Variants in TTN observed in about 807,000 individuals in gnomAD.
TTN encodes connectin.
TTN carries 1,525 observed loss-of-function variants against 3,223.0 expected under a neutral mutation model. That is an observed-to-expected ratio of 0.47 (90% CI 0.45 to 0.49). The LOEUF is 0.49. Ranked by LOEUF, TTN falls within the 20% of genes least tolerant of loss-of-function variation. The pLI is 0.00. For synonymous variants in TTN, 14,094 were observed against 15,161.0 expected, an observed-to-expected ratio of 0.93 and a Z score of 5.17; for missense variants, 40,786 against 43,424.0, an observed-to-expected ratio of 0.94 and a Z score of 5.40.
chr2:178,649,853 G>C lies in TTN; in HGVS notation c.39859C>G (p.Pro13287Ala), dbSNP rs745976523. The stretch of plus-strand genomic sequence containing the variant: ...GGTGCTTCTGGTTTTTTGATGACAG[G>C]AACTTTCTTCTCTGGGATGATCTTC... ...PKKIIPEKKV[P>A]VIKKPEAPPP... Residue 13287 changes from proline to alanine, a missense_variant, in exon 211 of 363, where the codon CCT becomes GCT. Transcript: ENST00000589042. 3 of 1,612,522 alleles carry C rather than the reference G, an allele frequency of 1.9e-6. No homozygotes were observed. In the South Asian group the frequency reaches 3.3e-5, roughly 18 times the overall value.
At chr2:178,777,379 T>G in intron 26 of TTN, 41 bp downstream of exon 26, 1 of 1,611,996 alleles carries the variant, frequency 6.2e-7, no homozygotes, top group Non-Finnish European at 8.5e-7. Context: ...ATAACCCAAG[T>G]GATAAGAAAA....
Position 178,715,153 on chromosome 2 carries a change from T to G in TTN, c.26033A>C (p.Lys8678Thr), listed in dbSNP as rs1208054129. The G allele has an allele frequency of 2.5e-6, 4 of 1,613,632 alleles. No homozygotes were observed. The highest frequency in any genetic ancestry group is 3.4e-6 in the Non-Finnish European group (4 of 1,179,722). ...GTPPFHVSWY[K>T]DKRELRSGKK... is the part of the protein sequence containing the mutation. ...GCCGCTCCTAAGTTCTCTCTTGTCT[T>G]TATACCAAGAAACGTGAAATGGGGG... The change falls in exon 90 of 363, where the codon AAA (lysine) becomes ACA (threonine). Residue 8678 changes from lysine (K) to threonine (T), a missense_variant. Coordinates refer to ENST00000589042, the MANE Select transcript of TTN (RefSeq NM_001267550.2).
At chr2:178,750,861 T>C in intron 47 of TTN, 1 of 1,613,062 alleles carries the variant, frequency 6.2e-7, no homozygotes, top group Non-Finnish European at 8.5e-7. Flanking sequence ...TCTCCAATTG[T>C]AGTATTGGCC....
In TTN at chr2:178,776,717, C is replaced by G; in HGVS notation, c.5147G>C (p.Arg1716Pro). ...KKKLTSLRLK[R>P]FGPAHFECRL... ...GCATTCAAAGTGGGCAGGCCCAAAG[C>G]GCTTAAGTCTTAAGGAAGTGAGTTT... Residue 1716 changes from arginine to proline, a missense_variant, in exon 28 of 363, where the codon CGC (arginine) becomes CCC (proline). Transcript: ENST00000589042. 6.2e-7 allele frequency: 1 copy of G among 1,614,070 alleles called. No homozygotes were observed. The highest frequency in any genetic ancestry group is 8.5e-7 in the Non-Finnish European group (1 of 1,180,008).
rs964308581 is a variant in TTN, at chr2:178,622,045, T to C, written c.44914-37A>G. Reference sequence around the variant, plus strand: ...ATAAATAGATTATCAGTTTTCTTGTTGTTCCTTCACACAGGTGTCCTTAAG... The same window carrying C: ...ATAAATAGATTATCAGTTTTCTTGTCGTTCCTTCACACAGGTGTCCTTAAG... On this transcript the variant is annotated intron_variant, in intron 243 of 362. Coordinates refer to ENST00000589042, the MANE Select transcript of TTN (RefSeq NM_001267550.2). 3 of 1,555,642 alleles carry C rather than the reference T, an allele frequency of 1.9e-6. No homozygotes were observed. In the African/African-American group the frequency reaches 4.1e-5, roughly 21 times the overall value.
intron 159 of TTN, among the ~76,000 whole-genome samples, chr2:178,668,562 C>G (rs1358603537): frequency 2.0e-5 from 3 of 151,842 alleles, no homozygotes; most frequent in Non-Finnish European, 2.9e-5. Flanking sequence ...AAAACCCTGT[C>G]TCTACTAAAA....
chr2:178,579,742 T>C lies in TTN; in HGVS notation c.67455A>G (p.Gly22485=), dbSNP rs1261078205. The C allele has an allele frequency of 6.2e-7, 1 of 1,613,130 alleles. No individual in the cohort carries two copies. The highest frequency in any genetic ancestry group is 8.5e-7 in the Non-Finnish European group (1 of 1,179,510). The change falls in exon 319 of 363, where the codon GGA becomes GGG. Residue 22485 remains glycine, a synonymous_variant. Coordinates refer to ENST00000589042, the MANE Select transcript of TTN (RefSeq NM_001267550.2). Reference sequence around the variant, plus strand: ...CTTCAGTCAGGAAATCAACTACATATCCAATAATCCGACTTCCACCATCAC... The same window carrying C: ...CTTCAGTCAGGAAATCAACTACATACCCAATAATCCGACTTCCACCATCAC... ...PHSDGGSRII[G]YVVDFLTEEN... is the part of the protein sequence containing the mutation.
chr2:178,632,861 T>A, intron 234 of TTN, 57 bp downstream of exon 234: 1 of 1,611,394 alleles, frequency 6.2e-7, no homozygotes, highest in African/African-American at 1.3e-5. Flanking sequence ...AATGCAGGGG[T>A]GTATCAGGAA....
chr2:178,760,709 A>T (rs1192779071), intron 43 of TTN, among the ~76,000 whole-genome samples: 3 of 152,214 alleles, frequency 2.0e-5, no homozygotes, highest in Non-Finnish European at 4.4e-5. Flanking sequence ...GGGCTTTATA[A>T]GCCACTGGCA....
At chr2:178,652,037 T>A (rs1022535697) in intron 204 of TTN, 59 bp downstream of exon 204, 1 of 1,611,968 alleles carries the variant, frequency 6.2e-7, no homozygotes, top group African/African-American at 1.3e-5. Context: ...AAAAATGTTT[T>A]TACAACACTA....
Position 178,731,744 on chromosome 2 carries a change from C to A in TTN, c.17131G>T (p.Val5711Leu). The A allele has an allele frequency of 6.2e-7, 1 of 1,613,706 alleles. No homozygotes were observed. The highest frequency in any genetic ancestry group is 8.5e-7 in the Non-Finnish European group (1 of 1,179,732). ...ATGCTGCTGCCCACCTCATTGGTCA[C>A]CCGACACTGGTATTCGCCAGCATCT... ...AADAGEYQCR[V>L]TNEVGSSICS... The change falls in exon 58 of 363, where the codon GTG (valine) becomes TTG (leucine). Residue 5711 changes from valine (V) to leucine (L), a missense_variant. Transcript: ENST00000589042.
At chr2:178,807,024 T>G (rs879867263) in intron 1 of TTN, among the ~76,000 whole-genome samples, 188 bp downstream of exon 1, 3 of 152,134 alleles carry the variant, frequency 2.0e-5, no homozygotes, top group Non-Finnish European at 4.4e-5. Flanking sequence ...GCTTTCAACT[T>G]TTTAAGGAAA....
At chr2:178,528,211 A>G in intron 361 of TTN, 63 bp downstream of exon 361, 1 of 1,528,826 alleles carries the variant, frequency 6.5e-7, no homozygotes, top group Non-Finnish European at 8.8e-7. Flanking sequence ...TGCTTGAAAG[A>G]GAGGCAAAAA....
In TTN at chr2:178,540,118, G is replaced by C. The variant is rs1693711060; in HGVS notation, c.98048C>G (p.Pro32683Arg). The C allele has an allele frequency of 1.2e-6, 2 of 1,611,292 alleles. No homozygotes were observed. The highest frequency in any genetic ancestry group is 1.1e-5 in the South Asian group (1 of 90,960). ...TCCTGGTACCTCAGCAGGCTCACCA[G>C]GTCCACCAGCATTACAAGCTAGGAC... ...FRVLACNAGG[P>R]GEPAEVPGTV... Residue 32683 changes from proline (P) to arginine (R), a missense_variant, in exon 351 of 363, where the codon CCT becomes CGT. Pro to Arg is a moderately radical substitution (Grantham distance 103). Coordinates refer to ENST00000589042, the MANE Select transcript of TTN (RefSeq NM_001267550.2).
In TTN at chr2:178,557,945, T is replaced by C; in HGVS notation, c.87409A>G (p.Arg29137Gly). The change falls in exon 328 of 363, where the codon AGG (arginine) becomes GGG (glycine). Residue 29137 changes from arginine to glycine, a missense_variant. By Grantham distance (125) the Arg-to-Gly change is moderately radical. Transcript: ENST00000589042. ...KAFINIVVLDRPGPPTGPVVI... is the reference protein window; with the variant it reads ...KAFINIVVLDGPGPPTGPVVI... The stretch of plus-strand genomic sequence containing the variant: ...ACAGGGCCAGTTGGAGGACCAGGCC[T>C]GTCTAGCACAACAATGTTAATGAAA... 1 of 1,613,176 alleles carries C rather than the reference T, an allele frequency of 6.2e-7. No homozygotes were observed. The highest frequency in any genetic ancestry group is 8.5e-7 in the Non-Finnish European group (1 of 1,179,846).
intron 356 of TTN, 44 bp from the exon 357 acceptor site, chr2:178,536,619 A>G (rs1270513346): frequency 2.1e-6 from 3 of 1,434,962 alleles, no homozygotes; most frequent in Middle Eastern, 3.7e-4. Context: ...TGAAACAGGC[A>G]GCTTTATTAA....
chr2:178,642,208 G>A (rs1576821899), intron 219 of TTN, 29 bp downstream of exon 219: 4 of 1,540,106 alleles, frequency 2.6e-6, no homozygotes, highest in African/African-American at 1.4e-5. Context: ...TATACTTAAC[G>A]CTGACAGAAT....
At chr2:178,596,543 C>A (rs1350427099) in intron 294 of TTN, among the ~76,000 whole-genome samples, 1 of 151,946 alleles carries the variant, frequency 6.6e-6, no homozygotes, top group Non-Finnish European at 1.5e-5. Flanking sequence ...CAACAAGCAG[C>A]ATAGGAGGCC....
In TTN at chr2:178,727,735, C is replaced by G; in HGVS notation, c.19843G>C (p.Val6615Leu). The G allele has an allele frequency of 7.4e-6, 12 of 1,613,370 alleles. No individual in the cohort carries two copies. Among genetic ancestry groups the G allele is most frequent in the Non-Finnish European group, 8.5e-6 (10 of 1,179,470 alleles). The change falls in exon 68 of 363, where the codon GTC becomes CTC. Residue 6615 changes from valine to leucine, a missense_variant. Physicochemically the swap from Val to Leu is conservative, Grantham distance 32. Transcript: ENST00000589042. ...IKWFKDDVEL[V>L]SGPKCFIGLE... is the part of the protein sequence containing the mutation. ...CCAATGAAACATTTAGGACCTGAGA[C>G]AAGTTCCACATCATCCTTAAACCAT...
Sources: gnomAD v4.1 joint callset for allele counts (sites outside exome capture counted in the v4.1 genomes callset) on GRCh38, gnomAD v4.1.1 for gene constraint, MANE v1.5 for transcripts, NCBI Gene and HGNC (gene_info 2026-07-23, HGNC 2026-07-21) for gene names.